Variants in KLF12 observed in about 807,000 individuals in gnomAD.
The protein encoded by KLF12 is Krueppel-like factor 12.
KLF12 carries 9 observed loss-of-function variants against 37.8 expected under a neutral mutation model. The ratio of observed to expected loss-of-function variants is 0.24; its 90% CI spans 0.14 to 0.42. KLF12 has a LOEUF of 0.42. Ranked by LOEUF, KLF12 falls within the 10% of genes least tolerant of loss-of-function variation. KLF12 has a pLI of 1.00. For missense variants in KLF12, 411 were observed against 516.0 expected (o/e 0.80, Z 1.97); for synonymous variants, 208 against 202.1 (o/e 1.03, Z -0.25).
At chr13:74,124,258 T>C (rs1292508883) in intron 1 of KLF12, among the ~76,000 whole-genome samples, 2 of 152,230 alleles carry the variant, frequency 1.3e-5, no homozygotes, top group Non-Finnish European at 2.9e-5. Context: ...AGCTAATGCA[T>C]ATTCCAAAGT....
chr13:74,098,712 AT>A (rs1274834941), intron 1 of KLF12, among the ~76,000 whole-genome samples: 2 of 152,264 alleles, frequency 1.3e-5, no homozygotes. Context: ...AAGAACCATT[AT>A]ACAAATCAGA....
intron 7 of KLF12, among the ~76,000 whole-genome samples, chr13:73,702,008 G>T (rs984143155): frequency 6.6e-6 from 1 of 151,664 alleles, no homozygotes; most frequent in South Asian, 2.1e-4. Context: ...TAAAAAAGAC[G>T]ACATACCACA....
chr13:74,261,142 A>C, the KLF12 span, among the ~76,000 whole-genome samples: 2 of 152,208 alleles, frequency 1.3e-5, no homozygotes, highest in Non-Finnish European at 2.9e-5. Flanking sequence ...ATTTTAAAAA[A>C]ATTTAAAAAG....
intron 5 of KLF12, among the ~76,000 whole-genome samples, chr13:73,804,632 C>G (rs143620603): frequency 6.6e-6 from 1 of 152,092 alleles, no homozygotes; most frequent in African/African-American, 2.4e-5. Context: ...TATCTACAGT[C>G]ATTCACAGTC....
Position 74,023,128 on chromosome 13 carries a change from G to A in KLF12, c.-31-28075C>T, listed in dbSNP as rs562050087. 1.6e-3 allele frequency among the ~76,000 whole-genome samples: 248 copies of A among 152,278 alleles called. 1 individual carries two copies. The highest frequency in any genetic ancestry group is 5.7e-3 in the African/African-American group (236 of 41,538). ...AGTTTTAAAACATACAGATGCCCAG[G>A]CCCTACCCTTAACCCACCAGATTAG... is the stretch of plus-strand genomic sequence containing the variant. On this transcript the variant is annotated intron_variant, in intron 1 of 7. Transcript: ENST00000377669.
chr13:73,922,888 C>A (rs980716731), intron 3 of KLF12, among the ~76,000 whole-genome samples: 1 of 152,158 alleles, frequency 6.6e-6, no homozygotes, highest in Non-Finnish European at 1.5e-5. Context: ...AATATTAACC[C>A]CCAGGCCTCC....
chr13:73,920,917 GCTTT>G (rs923655291), intron 3 of KLF12, among the ~76,000 whole-genome samples: 11 of 152,204 alleles, frequency 7.2e-5, no homozygotes, highest in African/African-American at 2.4e-4. Flanking sequence ...ACAGCGAGGG[GCTTT>G]CTTTGAGGTT....
chr13:74,155,860 G>T, the KLF12 span, among the ~76,000 whole-genome samples: 3 of 152,122 alleles, frequency 2.0e-5, no homozygotes, highest in African/African-American at 7.2e-5. Flanking sequence ...ATTGGGAGGG[G>T]TTTCAGCCCA....
At chr13:73,701,096 A>C (rs777519972) in intron 7 of KLF12, among the ~76,000 whole-genome samples, 1 of 152,210 alleles carries the variant, frequency 6.6e-6, no homozygotes, top group Non-Finnish European at 1.5e-5. Context: ...ATAATTTTTA[A>C]GAAGTCAGCA....
chr13:73,979,598 T>C (rs1424214719), intron 2 of KLF12, among the ~76,000 whole-genome samples: 1 of 152,140 alleles, frequency 6.6e-6, no homozygotes, highest in African/African-American at 2.4e-5. Flanking sequence ...TATGAAATTG[T>C]CAAATCCTTG....
chr13:73,985,595 C>T (rs139874932), intron 2 of KLF12, among the ~76,000 whole-genome samples: 1 of 152,160 alleles, frequency 6.6e-6, no homozygotes, highest in South Asian at 2.1e-4. Flanking sequence ...GCTCTAACGA[C>T]TCTCCATGTG....
At chr13:73,981,030 C>T (rs1359494803) in intron 2 of KLF12, among the ~76,000 whole-genome samples, 1 of 152,020 alleles carries the variant, frequency 6.6e-6, no homozygotes, top group Non-Finnish European at 1.5e-5. Flanking sequence ...CGTGGTGATG[C>T]CTGCCTGAAG....
the KLF12 span, among the ~76,000 whole-genome samples, chr13:74,143,344 A>AATTTCATTCTCAATTCCAAATACT: frequency 2.0e-5 from 3 of 152,240 alleles, no homozygotes; most frequent in South Asian, 6.2e-4. Flanking sequence ...ATTCAAATAC[A>AATTTCATTCTCAATTCCAAATACT]ATTTCATTCT....
upstream of KLF12, among the ~76,000 whole-genome samples, chr13:74,136,919 AAGAG>A (rs1340157576): frequency 2.6e-5 from 4 of 152,256 alleles, no homozygotes; most frequent in Admixed American, 6.5e-5. Flanking sequence ...ACAGGTTTAG[AAGAG>A]AGAATCACTT....
chr13:73,892,159 A>G (rs1462278219), intron 3 of KLF12, among the ~76,000 whole-genome samples: 2 of 152,124 alleles, frequency 1.3e-5, no homozygotes, highest in Admixed American at 1.3e-4. Context: ...AGGCCTTTTT[A>G]AAAATCTACA....
chr13:74,074,549 A>G (rs1874458203), intron 1 of KLF12, among the ~76,000 whole-genome samples: 1 of 152,160 alleles, frequency 6.6e-6, no homozygotes, highest in African/African-American at 2.4e-5. Context: ...CTGGATATCA[A>G]TGATTAGGCC....
At chr13:74,147,193 T>C in the KLF12 span, among the ~76,000 whole-genome samples, 4 of 152,204 alleles carry the variant, frequency 2.6e-5, no homozygotes, top group South Asian at 8.3e-4. Flanking sequence ...ATTTTTCACA[T>C]AGTTCAGACA....
chr13:73,738,092 C>CATATATATAT (rs778759106), intron 6 of KLF12, among the ~76,000 whole-genome samples: 67 of 116,714 alleles, frequency 5.7e-4, no homozygotes, highest in East Asian at 5.3e-3. Context: ...TGTATGTGTA[C>CATATATATAT]ATATATATAT....
At chr13:74,006,567 G>T (rs1223820027) in intron 1 of KLF12, among the ~76,000 whole-genome samples, 1 of 152,162 alleles carries the variant, frequency 6.6e-6, no homozygotes, top group African/African-American at 2.4e-5. Flanking sequence ...GAGATTTACA[G>T]CCAAGACTGT....
Sources: gnomAD v4.1 joint callset for allele counts (sites outside exome capture counted in the v4.1 genomes callset) on GRCh38, gnomAD v4.1.1 for gene constraint, MANE v1.5 for transcripts, NCBI Gene and HGNC (gene_info 2026-07-23, HGNC 2026-07-21) for gene names.